Variants in RBM28 observed in about 807,000 individuals in gnomAD.
RBM28 encodes RNA-binding protein 28.
In RBM28, 78 loss-of-function variants were observed where a neutral mutation model predicts 98.3. The ratio of observed to expected loss-of-function variants is 0.79; its 90% confidence interval spans 0.66 to 0.96. The LOEUF (loss-of-function observed/expected upper bound fraction) is 0.96. Among genes scored for constraint, RBM28 ranks in the 40% least tolerant of loss-of-function variants. The probability of loss-of-function intolerance (pLI) is 0.00; values close to 1 mark genes in which losing one functional copy is unlikely to be tolerated. For synonymous variants in RBM28, 306 were observed against 330.9 expected (o/e 0.92, Z 0.82); for missense variants, 838 against 913.0 (o/e 0.92, Z 1.06).
At chr7:128,329,888 CAAAAAAAAAAAAA>C (rs398006204) in intron 10 of RBM28, among the ~76,000 whole-genome samples, 50,995 of 102,440 alleles carry the variant, frequency 0.5, 9,959 homozygotes, top group Middle Eastern at 0.62. Context: ...GACTCCGTCT[CAAAAAAAAAAAAA>C]AAAAAAAAAA....
chr7:128,314,107 C>T (rs1034761382), intron 17 of RBM28, among the ~76,000 whole-genome samples: 3 of 152,102 alleles, frequency 2.0e-5, no homozygotes, highest in Admixed American at 6.5e-5. Context: ...GGACTACAGG[C>T]GCCCGCCACC....
intron 13 of RBM28, among the ~76,000 whole-genome samples, 194 bp from the exon 14 acceptor site, chr7:128,321,618 G>A (rs1012867528): frequency 6.6e-6 from 1 of 152,134 alleles, no homozygotes; most frequent in African/African-American, 2.4e-5. Context: ...GATGGTGGGT[G>A]GGTAATAGTA....
At chr7:128,330,693 C>T in intron 10 of RBM28, 126 bp downstream of exon 10, 1 of 774,018 alleles carries the variant, frequency 1.3e-6, no homozygotes, top group Non-Finnish European at 2.3e-6. Flanking sequence ...TTTATAGAAC[C>T]CAGAAACCTG....
Position 128,306,677 on chromosome 7 carries a change from AT to A in RBM28, c.*4119del, listed in dbSNP as rs1193553724. ...CATGGACAAGTTTAAGAAACACTGG[AT>A]TTGCCATCTATCAAGATGCTCCATT... On this transcript the variant is annotated 3_prime_UTR_variant, in exon 19 of 19. Transcript: ENST00000223073. 1.3e-5 allele frequency: 2 copies of A among 152,204 alleles called. No homozygotes were observed. Among genetic ancestry groups the A allele is most frequent in the African/African-American group, 4.8e-5 (2 of 41,444 alleles). 9.4% of individuals were successfully genotyped at this position (152,204 alleles called of 1,614,324 possible). A position where few individuals can be genotyped will look rare whatever the true frequency, so the allele number is the denominator to read the frequency against.
chr7:128,322,331 C>A (rs1584644146), intron 13 of RBM28, among the ~76,000 whole-genome samples: 1 of 152,170 alleles, frequency 6.6e-6, no homozygotes, highest in Admixed American at 6.5e-5. Context: ...CCTGCGTGAT[C>A]TGTGTCTAAA....
Position 128,301,737 on chromosome 7 carries a change from GA to G in RBM28, c.*9059del, listed in dbSNP as rs1393044761. On this transcript the variant is annotated 3_prime_UTR_variant, in exon 19 of 19. Coordinates refer to ENST00000223073, the MANE Select transcript of RBM28 (RefSeq NM_018077.3). ...ACTTGGCGGGCCTTGCCCTGGCCCA[GA>G]CATCACAGACCACTCTCACTGCACT... 2.6e-5 allele frequency: 4 copies of G among 152,414 alleles called. No individual in the cohort carries two copies. Among genetic ancestry groups the G allele is most frequent in the Admixed American group, 2.0e-4 (3 of 15,282 alleles). 9.4% of individuals were successfully genotyped at this position (152,414 alleles called of 1,614,324 possible).
Position 128,309,179 on chromosome 7 carries a change from G to A in RBM28, c.*1618C>T, listed in dbSNP as rs1473340858. On this transcript the variant is annotated 3_prime_UTR_variant, in exon 19 of 19. Transcript: ENST00000223073. Reference sequence around the variant, plus strand: ...AATATTTATTCAATACTTACTACGTGCCTGGGTCAGTACTAGGTGCTGTGT... The same window carrying A: ...AATATTTATTCAATACTTACTACGTACCTGGGTCAGTACTAGGTGCTGTGT... 3 of 152,016 alleles carry A rather than the reference G, an allele frequency of 2.0e-5. No homozygotes were observed. Among genetic ancestry groups the A allele is most frequent in the Non-Finnish European group, 4.4e-5 (3 of 68,040 alleles). The allele number at this position is 152,016 out of a possible 1,614,324, so 9.4% of individuals were successfully genotyped here. A position where few individuals can be genotyped will look rare whatever the true frequency, so the allele number is the denominator to read the frequency against.
chr7:128,338,461 C>T, intron 4 of RBM28, 119 bp from the exon 5 acceptor site: 1 of 863,230 alleles, frequency 1.2e-6, no homozygotes, highest in Non-Finnish European at 1.9e-6. Context: ...GCAGGTCAGG[C>T]CCTTCCCCAA....
chr7:128,319,569 AAC>A (rs1796176819), intron 14 of RBM28, among the ~76,000 whole-genome samples: 1 of 152,234 alleles, frequency 6.6e-6, no homozygotes, highest in Non-Finnish European at 1.5e-5. Flanking sequence ...GGATTAGGAA[AAC>A]AGTTTATGGT....
At chr7:128,342,260 T>C (rs917094249) in intron 1 of RBM28, among the ~76,000 whole-genome samples, 2 of 152,242 alleles carry the variant, frequency 1.3e-5, no homozygotes, top group Non-Finnish European at 2.9e-5. Context: ...TACAGGACTT[T>C]CGGTCCCTAT....
chr7:128,315,429 C>CA (rs2116326449), intron 16 of RBM28, among the ~76,000 whole-genome samples: 1 of 152,256 alleles, frequency 6.6e-6, no homozygotes, highest in South Asian at 2.1e-4. Flanking sequence ...TCTAGGAACT[C>CA]AGAGAAGACC....
intron 16 of RBM28, among the ~76,000 whole-genome samples, chr7:128,317,425 A>G (rs1322163703): frequency 1.3e-5 from 2 of 152,228 alleles, no homozygotes; most frequent in Admixed American, 6.5e-5. Context: ...GGCTGACTGG[A>G]AATAACATTG....
intron 6 of RBM28, among the ~76,000 whole-genome samples, chr7:128,336,790 G>A (rs1046740836): frequency 1.3e-5 from 2 of 152,092 alleles, no homozygotes; most frequent in Non-Finnish European, 1.5e-5. Context: ...GTCTCGTTTT[G>A]TTGCCCAGGC....
chr7:128,328,849 C>T (rs983106913), intron 10 of RBM28, among the ~76,000 whole-genome samples: 1 of 152,074 alleles, frequency 6.6e-6, no homozygotes, highest in Non-Finnish European at 1.5e-5. Flanking sequence ...CTGAAGCCAA[C>T]GGTAGTTAAA....
chr7:128,330,367 G>A (rs1427269653), intron 10 of RBM28, among the ~76,000 whole-genome samples: 7 of 135,192 alleles, frequency 5.2e-5, no homozygotes, highest in African/African-American at 8.1e-5. Context: ...GGATGTCCCT[G>A]GTCCTTTTTT....
At chr7:128,318,750 C>T (rs1051426296) in intron 14 of RBM28, among the ~76,000 whole-genome samples, 13 of 152,026 alleles carry the variant, frequency 8.6e-5, no homozygotes, top group African/African-American at 2.7e-4. Context: ...CAACTGTTTG[C>T]GATACATACA....
At chr7:128,336,601 G>A (rs1796605522) in intron 6 of RBM28, among the ~76,000 whole-genome samples, 1 of 152,192 alleles carries the variant, frequency 6.6e-6, no homozygotes, top group South Asian at 2.1e-4. Context: ...AAGAGCCTAG[G>A]TTTTGGGACC....
chr7:128,332,041 C>A (rs1796491468), intron 9 of RBM28, among the ~76,000 whole-genome samples: 1 of 152,202 alleles, frequency 6.6e-6, no homozygotes, highest in Non-Finnish European at 1.5e-5. Flanking sequence ...GGAATGGTAT[C>A]CTTAGTACTG....
At chr7:128,314,600 T>C (rs577916391) in intron 17 of RBM28, among the ~76,000 whole-genome samples, 164 bp downstream of exon 17, 1 of 152,302 alleles carries the variant, frequency 6.6e-6, no homozygotes, top group East Asian at 1.9e-4. Flanking sequence ...GAGTGACATC[T>C]CTGATGGTGT....
Sources: allele counts gnomAD v4.1 joint callset (sites outside exome capture counted in the v4.1 genomes callset), GRCh38; gene constraint gnomAD v4.1.1; transcripts MANE v1.5; gene names NCBI Gene and HGNC (gene_info 2026-07-23, HGNC 2026-07-21).